The following CPSF3 variants were observed in gnomAD, a reference collection of about 807,000 sequenced individuals.
The protein encoded by CPSF3 is cleavage and polyadenylation specificity factor subunit 3.
Under a neutral mutation model 84.1 loss-of-function variants are expected in CPSF3, and 57 were observed. That is an observed-to-expected ratio of 0.68 (90% CI 0.55 to 0.85). The LOEUF (loss-of-function observed/expected upper bound fraction) is 0.85. CPSF3 is among the 40% of genes least tolerant of loss of function. CPSF3 has a pLI of 0.00. For missense variants in CPSF3, 522 were observed against 838.8 expected, an observed-to-expected ratio of 0.62 and a Z score of 4.66; for synonymous variants, 275 against 278.1, an observed-to-expected ratio of 0.99 and a Z score of 0.11.
intron 1 of CPSF3, 67 bp downstream of exon 1, chr2:9,423,890 TGGCCTCCTCCGTC>T: frequency 6.3e-7 from 1 of 1,583,946 alleles, no homozygotes; most frequent in Non-Finnish European, 8.6e-7. Context: ...AACCGGAGAC[TGGCCTCCTCCGTC>T]GCCCGCGCTC....
At chr2:9,468,875 C>T (rs754470016) in intron 16 of CPSF3, among the ~76,000 whole-genome samples, 2 of 152,122 alleles carry the variant, frequency 1.3e-5, no homozygotes, top group Non-Finnish European at 2.9e-5. Context: ...AGCCACCTGC[C>T]TTGGTCTCCC....
intron 12 of CPSF3, 26 bp from the exon 13 acceptor site, chr2:9,455,633 C>T (rs1476246511): frequency 1.3e-6 from 2 of 1,532,418 alleles, no homozygotes; most frequent in Non-Finnish European, 1.8e-6. Flanking sequence ...AGTATTTCTT[C>T]AAGTCTCTTC....
chr2:9,473,017 A>G lies in CPSF3; in HGVS notation c.2055A>G (p.Ter685TrpextTer6), dbSNP rs1454527998. The G allele has an allele frequency of 3.1e-6, 5 of 1,607,602 alleles. No homozygotes were observed. The South Asian group carries it at 4.4e-5, about 14-fold the overall frequency. Residue 685 changes from the stop codon to tryptophan, a stop_lost, in exon 18 of 18, where the codon TGA becomes TGG. Coordinates refer to ENST00000238112, the MANE Select transcript of CPSF3 (RefSeq NM_016207.4). ...RLYEALTPVH[*>W] ...ACGAGGCCCTGACGCCAGTTCACTG[A>G]GACTGTGCCTGTATATGAACTTTGA...
intron 7 of CPSF3, among the ~76,000 whole-genome samples, chr2:9,436,628 C>A (rs184695540): frequency 6.6e-6 from 1 of 151,866 alleles, no homozygotes; most frequent in Non-Finnish European, 1.5e-5. Context: ...AAAAATTAGC[C>A]GGGCACAGTG....
In CPSF3 at chr2:9,465,542, T is replaced by TACACAC. The variant is rs59250489; in HGVS notation, c.1787-2148_1787-2143dup. Reference sequence around the variant, plus strand: ...ATTTCTGGTATTTTCCCCCATATCATACACACACACACACACACACACGCG... The same window carrying TACACAC: ...ATTTCTGGTATTTTCCCCCATATCATACACACACACACACACACACACACACACGCG... On this transcript the variant is annotated intron_variant, in intron 15 of 17. Coordinates refer to ENST00000238112, the MANE Select transcript of CPSF3 (RefSeq NM_016207.4). Among the ~76,000 whole-genome samples the TACACAC allele has an allele frequency of 5.5e-3, 819 of 149,846 alleles. 8 individuals are homozygous for TACACAC. Among genetic ancestry groups the TACACAC allele is most frequent in the African/African-American group, 0.019 (771 of 41,036 alleles).
chr2:9,467,903 C>CT, intron 16 of CPSF3, 127 bp downstream of exon 16: 1 of 687,142 alleles, frequency 1.5e-6, no homozygotes, highest in South Asian at 1.8e-5. Flanking sequence ...GCTCGGAGGC[C>CT]TGCTTCTCTG....
At chr2:9,434,411 AG>A (rs796940425) in intron 6 of CPSF3, among the ~76,000 whole-genome samples, 1 of 151,946 alleles carries the variant, frequency 6.6e-6, no homozygotes, top group African/African-American at 2.4e-5. Flanking sequence ...TTTGTAGTGC[AG>A]TTTCACTTTC....
chr2:9,450,169 T>A (rs1311138935), intron 11 of CPSF3, among the ~76,000 whole-genome samples: 1 of 150,340 alleles, frequency 6.7e-6, no homozygotes, highest in Non-Finnish European at 1.5e-5. Flanking sequence ...TTTTTTTTTT[T>A]TAGAAGGAGT....
chr2:9,446,367 T>G (rs1423624970), intron 10 of CPSF3, among the ~76,000 whole-genome samples: 1 of 151,704 alleles, frequency 6.6e-6, no homozygotes, highest in Non-Finnish European at 1.5e-5. Flanking sequence ...GATCACGAGG[T>G]CAGGAGATGG....
chr2:9,436,100 A>G (rs1680771365), intron 6 of CPSF3, 111 bp from the exon 7 acceptor site: 2 of 861,180 alleles, frequency 2.3e-6, no homozygotes, highest in South Asian at 2.2e-5. Context: ...AGTAAATGAC[A>G]TGCTAATGGA....
chr2:9,433,218 A>C (rs546524873), intron 5 of CPSF3, among the ~76,000 whole-genome samples: 2 of 152,338 alleles, frequency 1.3e-5, no homozygotes, highest in South Asian at 4.1e-4. Flanking sequence ...CTCAGGCTGC[A>C]AATAAGACTC....
rs191227091 is a variant in CPSF3 at position 9,456,010 on chromosome 2, T to A, written c.1603+253T>A. ...AAAGAAAATATACTCAAATTTTTTT[T>A]AATTCCATAATACTTATCTTTGACC... is the stretch of plus-strand genomic sequence containing the variant. On this transcript the variant is annotated intron_variant, in intron 13 of 17. Coordinates refer to ENST00000238112, the MANE Select transcript of CPSF3 (RefSeq NM_016207.4). Among the ~76,000 whole-genome samples the A allele has an allele frequency of 6.9e-3, 1,052 of 152,308 alleles. 9 individuals are homozygous for A. Among genetic ancestry groups the A allele is most frequent in the Non-Finnish European group, 8.1e-3 (551 of 68,028 alleles).
chr2:9,426,742 G>A (rs1316963347), intron 1 of CPSF3, among the ~76,000 whole-genome samples: 1 of 152,036 alleles, frequency 6.6e-6, no homozygotes, highest in Non-Finnish European at 1.5e-5. Context: ...CTCCTTAGGA[G>A]TGACAACGGC....
At chr2:9,459,939 C>T (rs1034651382) in intron 15 of CPSF3, among the ~76,000 whole-genome samples, 3 of 151,982 alleles carry the variant, frequency 2.0e-5, no homozygotes, top group Non-Finnish European at 2.9e-5. Context: ...TGAGCCACTG[C>T]GCCCAGCCAC....
intron 8 of CPSF3, 114 bp downstream of exon 8, chr2:9,440,780 CT>C: frequency 2.0e-6 from 2 of 1,022,584 alleles, no homozygotes; most frequent in Non-Finnish European, 2.9e-6. Context: ...CTTTGGGAGT[CT>C]AAGGCAGGAG....
chr2:9,468,373 C>G (rs1423809874), intron 16 of CPSF3, among the ~76,000 whole-genome samples: 1 of 152,016 alleles, frequency 6.6e-6, no homozygotes, highest in Non-Finnish European at 1.5e-5. Flanking sequence ...ATCACAGGCT[C>G]GCAACACCAT....
chr2:9,447,456 G>A lies in CPSF3; in HGVS notation c.1243-742G>A, dbSNP rs923667272. 1.3e-4 allele frequency among the ~76,000 whole-genome samples: 19 copies of A among 150,418 alleles called. No individual in the cohort carries two copies. The East Asian group carries it at 2.6e-3, about 21-fold the overall frequency. ...ATCACATCACTGGACTCCAGCCTGC[G>A]CAACAGAGTGAGACCCTGTCTCCAA... On this transcript the variant is annotated intron_variant, in intron 10 of 17. Coordinates refer to ENST00000238112, the MANE Select transcript of CPSF3 (RefSeq NM_016207.4).
intron 15 of CPSF3, among the ~76,000 whole-genome samples, chr2:9,464,145 T>C (rs184189031): frequency 6.6e-6 from 1 of 152,330 alleles, no homozygotes; most frequent in East Asian, 1.9e-4. Flanking sequence ...GGAAATCTTA[T>C]ATATTTTCAA....
intron 1 of CPSF3, chr2:9,425,072 C>A (rs937898604): frequency 6.6e-6 from 1 of 152,218 alleles, no homozygotes; most frequent in Admixed American, 6.5e-5. Flanking sequence ...AAGGATACCT[C>A]GTGGATCCTG....
Sources: allele counts gnomAD v4.1 joint callset (sites outside exome capture counted in the v4.1 genomes callset), GRCh38; gene constraint gnomAD v4.1.1; transcripts MANE v1.5; gene names NCBI Gene and HGNC (gene_info 2026-07-23, HGNC 2026-07-21).